The following NCAM1 variants were observed in gnomAD, a reference collection of about 807,000 sequenced individuals.
NCAM1 encodes the protein antigen recognized by monoclonal antibody 5.1H11.
Under a neutral mutation model 109.8 loss-of-function variants are expected in NCAM1, and 14 were observed. The observed-to-expected ratio is 0.13, with a 90% CI of 0.08 to 0.20. The LOEUF (loss-of-function observed/expected upper bound fraction) is 0.20, where lower values mean the gene tolerates loss of function less well. NCAM1 is among the 10% of genes least tolerant of loss of function. NCAM1 has a pLI of 1.00. For synonymous variants in NCAM1, 418 were observed against 442.9 expected (o/e 0.94, Z 0.70); for missense variants, 774 against 1,109.9 (o/e 0.70, Z 4.30).
chr11:113,163,748 C>T (rs890529009), intron 1 of NCAM1, among the ~76,000 whole-genome samples: 8 of 152,020 alleles, frequency 5.3e-5, no homozygotes, highest in Non-Finnish European at 1.0e-4. Context: ...TGGCTAAGAT[C>T]GAAAGAAGAA....
intron 1 of NCAM1, among the ~76,000 whole-genome samples, chr11:113,172,107 A>G (rs1393281185): frequency 6.6e-6 from 1 of 152,184 alleles, no homozygotes; most frequent in Non-Finnish European, 1.5e-5. Flanking sequence ...TCTAACCTTC[A>G]GAGCTCTGAG....
At chr11:113,127,926 G>T (rs1412720464) in intron 1 of NCAM1, among the ~76,000 whole-genome samples, 1 of 152,174 alleles carries the variant, frequency 6.6e-6, no homozygotes, top group Non-Finnish European at 1.5e-5. Context: ...AAAGGACTGG[G>T]CACAGGAGAT....
intron 1 of NCAM1, among the ~76,000 whole-genome samples, chr11:113,054,342 G>C (rs1179958067): frequency 6.6e-6 from 1 of 151,938 alleles, no homozygotes; most frequent in Non-Finnish European, 1.5e-5. Flanking sequence ...ATAGTGCCAG[G>C]GCTGGTGTGT....
chr11:112,986,200 T>C (rs1951299376), intron 1 of NCAM1, among the ~76,000 whole-genome samples: 1 of 152,084 alleles, frequency 6.6e-6, no homozygotes, highest in South Asian at 2.1e-4. Context: ...TCTTTTAATA[T>C]AGTATATCAC....
intron 1 of NCAM1, among the ~76,000 whole-genome samples, chr11:112,987,281 T>A (rs1224253781): frequency 1.3e-5 from 2 of 152,160 alleles, no homozygotes; most frequent in African/African-American, 2.4e-5. Context: ...TCAGTCTCCA[T>A]AAATTTGTCA....
At chr11:113,216,657 A>T (rs868927531) in intron 8 of NCAM1, among the ~76,000 whole-genome samples, 178 of 152,250 alleles carry the variant, frequency 1.2e-3, no homozygotes, top group African/African-American at 3.7e-3. Context: ...TATTTCTTTT[A>T]CTTGCCTTCA....
intron 9 of NCAM1, among the ~76,000 whole-genome samples, chr11:113,229,424 C>T (rs529053317): frequency 6.6e-6 from 1 of 152,266 alleles, no homozygotes; most frequent in African/African-American, 2.4e-5. Context: ...ATTAAAAAGT[C>T]AGGAAACAAC....
chr11:113,120,496 C>T (rs1555095799), intron 1 of NCAM1, among the ~76,000 whole-genome samples: 1 of 152,188 alleles, frequency 6.6e-6, no homozygotes, highest in Non-Finnish European at 1.5e-5. Context: ...GACCCAGGCT[C>T]ATTAGGAATA....
Position 113,274,453 on chromosome 11 carries a change from G to T in NCAM1, c.2457-814G>T, listed in dbSNP as rs538158705. 6.6e-6 allele frequency among the ~76,000 whole-genome samples: 1 copy of T among 152,172 alleles called. No homozygotes were observed. Among genetic ancestry groups the T allele is most frequent in the African/African-American group, 2.4e-5 (1 of 41,438 alleles). On this transcript the variant is annotated intron_variant, in intron 19 of 19. Coordinates refer to ENST00000316851, the MANE Select transcript of NCAM1 (RefSeq NM_181351.5). The surrounding 1 kb of genome is among the most constrained non-coding windows in gnomAD (Gnocchi z 4.1). ...CCTGTCCCCATGCATCCTCAGACCC[G>T]ACTCCCTTTCCTGGAACTGATGGAG...
chr11:113,206,339 T>TA (rs1944238345), intron 5 of NCAM1, among the ~76,000 whole-genome samples, 159 bp downstream of exon 5: 1 of 89,554 alleles, frequency 1.1e-5, no homozygotes, highest in African/African-American at 5.2e-5. Flanking sequence ...TCTAGATTTC[T>TA]TTTTTTTTTT....
intron 1 of NCAM1, among the ~76,000 whole-genome samples, chr11:113,098,682 G>C (rs1196421366): frequency 6.6e-6 from 1 of 152,178 alleles, no homozygotes; most frequent in East Asian, 1.9e-4. Flanking sequence ...ACTCCTTGAG[G>C]AGGGACATTA....
intron 1 of NCAM1, among the ~76,000 whole-genome samples, chr11:113,072,812 C>A (rs1938341208): frequency 8.6e-6 from 1 of 115,978 alleles, no homozygotes; most frequent in Non-Finnish European, 1.7e-5. Context: ...AAGTATTTTA[C>A]ATTGTTTTTT....
intron 1 of NCAM1, among the ~76,000 whole-genome samples, chr11:113,158,719 A>G (rs961137288): frequency 9.2e-5 from 14 of 152,134 alleles, no homozygotes; most frequent in Non-Finnish European, 2.9e-5. Flanking sequence ...TCATTAATTA[A>G]CATGTTTTGC....
chr11:113,128,944 T>C (rs1399145645), intron 1 of NCAM1, among the ~76,000 whole-genome samples: 15 of 144,826 alleles, frequency 1.0e-4, no homozygotes, highest in Admixed American at 7.5e-4. Flanking sequence ...TGTGTGTGTG[T>C]GTGTGCATGC....
intron 10 of NCAM1, 69 bp from the exon 11 acceptor site, chr11:113,232,101 C>A: frequency 7.0e-7 from 1 of 1,423,084 alleles, no homozygotes; most frequent in Non-Finnish European, 9.4e-7. Context: ...CTTCCCAGTG[C>A]CAGGAGACAG....
At chr11:113,212,081 AC>A (rs1256427529) in intron 7 of NCAM1, among the ~76,000 whole-genome samples, 1 of 152,170 alleles carries the variant, frequency 6.6e-6, no homozygotes, top group African/African-American at 2.4e-5. Flanking sequence ...CAGTAGGGTG[AC>A]CCAGCATCTG....
At chr11:113,058,478 C>G (rs1555082960) in intron 1 of NCAM1, among the ~76,000 whole-genome samples, 1 of 152,164 alleles carries the variant, frequency 6.6e-6, no homozygotes, top group Non-Finnish European at 1.5e-5. Flanking sequence ...GATGAATGTT[C>G]TTCCTTTGCA....
intron 1 of NCAM1, among the ~76,000 whole-genome samples, chr11:113,178,856 C>T (rs1490149475): frequency 6.6e-6 from 1 of 152,164 alleles, no homozygotes; most frequent in Non-Finnish European, 1.5e-5. Flanking sequence ...AGTCCGGGTG[C>T]TTTAGTCTCA....
intron 1 of NCAM1, among the ~76,000 whole-genome samples, chr11:113,112,378 GAAAAT>G (rs1940483931): frequency 6.6e-6 from 1 of 152,150 alleles, no homozygotes; most frequent in Non-Finnish European, 1.5e-5. Flanking sequence ...GTAGATGGCA[GAAAAT>G]AAAATTGATT....
Sources: gnomAD v4.1 joint callset for allele counts (sites outside exome capture counted in the v4.1 genomes callset) on GRCh38, gnomAD v4.1.1 for gene constraint, Gnocchi (gnomAD v3.1) non-coding constraint, MANE v1.5 for transcripts, NCBI Gene and HGNC (gene_info 2026-07-23, HGNC 2026-07-21) for gene names.